The following SMYD3 variants were observed in gnomAD, a reference collection of about 807,000 sequenced individuals.
The protein encoded by SMYD3 is histone-lysine N-methyltransferase SMYD3.
In SMYD3, 36 loss-of-function variants were observed where a neutral mutation model predicts 57.7. That is an observed-to-expected ratio of 0.62 (90% CI 0.48 to 0.82). The LOEUF (loss-of-function observed/expected upper bound fraction) is 0.82. SMYD3 is among the 40% of genes least tolerant of loss of function. The pLI is 0.00. For synonymous variants in SMYD3, 211 were observed against 195.0 expected (o/e 1.08, Z -0.68); for missense variants, 515 against 538.8 (o/e 0.96, Z 0.44).
chr1:246,156,080 A>C (rs775326114), intron 5 of SMYD3, among the ~76,000 whole-genome samples: 1 of 151,762 alleles, frequency 6.6e-6, no homozygotes, highest in Non-Finnish European at 1.5e-5. Flanking sequence ...ATTAATGTTA[A>C]GGTCTGGAAG....
chr1:246,241,712 C>T lies in SMYD3; in HGVS notation c.531+85489G>A, dbSNP rs569343605. Among the ~76,000 whole-genome samples, 4 of 147,204 alleles carry T rather than the reference C, an allele frequency of 2.7e-5. No individual in the cohort carries two copies. In the East Asian group the frequency reaches 9.5e-4, roughly 35 times the overall value. On this transcript the variant is annotated intron_variant, in intron 5 of 11. Coordinates refer to ENST00000490107, the MANE Select transcript of SMYD3 (RefSeq NM_001167740.2). ...CCTCTGGTAGAATTCAGCTGTGAAT[C>T]CATCTGGTCCTGAACTTTTTTGGTT...
At chr1:246,286,325 G>C (rs958052532) in intron 5 of SMYD3, among the ~76,000 whole-genome samples, 1 of 151,454 alleles carries the variant, frequency 6.6e-6, no homozygotes, top group Non-Finnish European at 1.5e-5. Flanking sequence ...TTGTTACATA[G>C]GTAAACACAG....
At chr1:245,920,130 G>C (rs572054021) in intron 7 of SMYD3, among the ~76,000 whole-genome samples, 1 of 151,952 alleles carries the variant, frequency 6.6e-6, no homozygotes, top group Non-Finnish European at 1.5e-5. Context: ...TGGCTAACAC[G>C]GTGAAACCCC....
chr1:246,284,606 C>T (rs1276143617), intron 5 of SMYD3, among the ~76,000 whole-genome samples: 2 of 151,834 alleles, frequency 1.3e-5, no homozygotes, highest in East Asian at 1.9e-4. Context: ...TTAGTAGAGA[C>T]GGGGTTTCAC....
At chr1:246,259,770 A>AT (rs1248127262) in intron 5 of SMYD3, among the ~76,000 whole-genome samples, 5 of 152,336 alleles carry the variant, frequency 3.3e-5, no homozygotes, top group African/African-American at 1.2e-4. Context: ...AGGTCCCCTG[A>AT]TACAGGCACA....
chr1:246,348,077 T>TATATATATATATATATATATATATAC, intron 2 of SMYD3, among the ~76,000 whole-genome samples: 1,307 of 85,390 alleles, frequency 0.015, 60 homozygotes, highest in Non-Finnish European at 0.019. Flanking sequence ...TATATATATA[T>TATATATATATATATATATATATATAC]ACACACACAC....
At chr1:245,762,572 C>T (rs368483085) in intron 11 of SMYD3, among the ~76,000 whole-genome samples, 12 of 152,182 alleles carry the variant, frequency 7.9e-5, no homozygotes, top group Admixed American at 2.0e-4. Flanking sequence ...GTTCTTCCCC[C>T]GCCTGGGTAA....
chr1:246,169,660 G>C (rs1313267959), intron 5 of SMYD3, among the ~76,000 whole-genome samples: 3 of 152,050 alleles, frequency 2.0e-5, no homozygotes, highest in Non-Finnish European at 4.4e-5. Flanking sequence ...TGTAATCCCA[G>C]CATTCGGCCA....
intron 5 of SMYD3, among the ~76,000 whole-genome samples, chr1:246,117,967 A>C (rs1459255110): frequency 6.6e-6 from 1 of 152,182 alleles, no homozygotes. Flanking sequence ...ACATAGTACA[A>C]ACAGTATAGG....
chr1:245,959,717 A>G (rs1272268678), intron 5 of SMYD3, among the ~76,000 whole-genome samples: 1 of 152,234 alleles, frequency 6.6e-6, no homozygotes, highest in Non-Finnish European at 1.5e-5. Flanking sequence ...TAAATAAAGC[A>G]TAACATTCAC....
chr1:246,090,427 C>T (rs2060801094), intron 5 of SMYD3, among the ~76,000 whole-genome samples: 1 of 151,954 alleles, frequency 6.6e-6, no homozygotes, highest in African/African-American at 2.4e-5. Flanking sequence ...GAACAAAATC[C>T]TGATCTCCAC....
intron 10 of SMYD3, among the ~76,000 whole-genome samples, chr1:245,793,559 T>C (rs578172809): frequency 1.6e-4 from 25 of 151,984 alleles, no homozygotes; most frequent in Non-Finnish European, 3.5e-4. Context: ...TACCCATCAG[T>C]AGCACACACT....
intron 5 of SMYD3, among the ~76,000 whole-genome samples, chr1:246,177,078 C>T (rs2062447353): frequency 6.6e-6 from 1 of 152,114 alleles, no homozygotes; most frequent in South Asian, 2.1e-4. Context: ...GTATAAAGAT[C>T]TATGATTTTA....
At chr1:246,289,078 G>A (rs2064634350) in intron 5 of SMYD3, among the ~76,000 whole-genome samples, 1 of 152,132 alleles carries the variant, frequency 6.6e-6, no homozygotes, top group South Asian at 2.1e-4. Context: ...TTGCGCCACT[G>A]CACTCCAGCC....
chr1:246,311,611 A>AACACTC (rs1274130219), intron 5 of SMYD3, among the ~76,000 whole-genome samples: 1 of 151,742 alleles, frequency 6.6e-6, no homozygotes, highest in Non-Finnish European at 1.5e-5. Context: ...ACCCTCCTTG[A>AACACTC]ACACTCACAC....
chr1:245,967,070 C>A (rs577632813), intron 5 of SMYD3, among the ~76,000 whole-genome samples: 57 of 152,206 alleles, frequency 3.7e-4, no homozygotes, highest in African/African-American at 1.3e-3. Flanking sequence ...CTTTTGATTC[C>A]ATCAAAAGTA....
chr1:246,190,551 C>G (rs1374535828), intron 5 of SMYD3, among the ~76,000 whole-genome samples: 1 of 127,692 alleles, frequency 7.8e-6, no homozygotes, highest in Non-Finnish European at 1.6e-5. Flanking sequence ...TGCCATTGCA[C>G]TCCAACCTAG....
At chr1:246,229,702 G>A (rs79085164) in intron 5 of SMYD3, among the ~76,000 whole-genome samples, 3,589 of 152,204 alleles carry the variant, frequency 0.024, 72 homozygotes, top group Non-Finnish European at 0.036. Context: ...AGAGGGGGCC[G>A]AATTCACCTT....
At chr1:245,871,977 C>T (rs1277536817) in intron 8 of SMYD3, among the ~76,000 whole-genome samples, 1 of 152,164 alleles carries the variant, frequency 6.6e-6, no homozygotes, top group Non-Finnish European at 1.5e-5. Context: ...ATCCCATTCC[C>T]TTTGCCGGGA....
Sources: allele counts gnomAD v4.1 joint callset (sites outside exome capture counted in the v4.1 genomes callset), GRCh38; gene constraint gnomAD v4.1.1; transcripts MANE v1.5; gene names NCBI Gene and HGNC (gene_info 2026-07-23, HGNC 2026-07-21).